Variants in FGF1 observed in about 807,000 individuals in gnomAD.
FGF1 encodes fibroblast growth factor 1, also known as beta-endothelial cell growth factor.
Under a neutral mutation model 13.4 loss-of-function variants are expected in FGF1, and 9 were observed. The ratio of observed to expected loss-of-function variants is 0.67; its 90% CI spans 0.40 to 1.17. FGF1 has a LOEUF of 1.17. Ranked by LOEUF, FGF1 falls within the 50% of genes most tolerant of loss-of-function variation. FGF1 has a pLI of 0.01. For missense variants in FGF1, 156 were observed against 192.7 expected (o/e 0.81, Z 1.13); for synonymous variants, 93 against 79.0 (o/e 1.18, Z -0.94).
intron 1 of FGF1, among the ~76,000 whole-genome samples, chr5:142,677,944 AC>A (rs1772956300): frequency 6.6e-6 from 1 of 152,172 alleles, no homozygotes; most frequent in Non-Finnish European, 1.5e-5. Flanking sequence ...AACAGGGAAA[AC>A]TTTTGGAGGA....
intron 2 of FGF1, among the ~76,000 whole-genome samples, chr5:142,607,463 T>C (rs1485976328): frequency 6.6e-6 from 1 of 152,240 alleles, no homozygotes; most frequent in Non-Finnish European, 1.5e-5. Context: ...GTCTGTAGGG[T>C]ACTTCATTTT....
chr5:142,637,911 T>A (rs1295231877), intron 1 of FGF1, among the ~76,000 whole-genome samples: 1 of 152,080 alleles, frequency 6.6e-6, no homozygotes, highest in East Asian at 1.9e-4. Flanking sequence ...GGCTCTCAAG[T>A]TGCCTTCTGG....
intron 2 of FGF1, among the ~76,000 whole-genome samples, chr5:142,606,214 C>CTGTGTGTGTGTGTG (rs1283591761): frequency 1.0e-3 from 73 of 71,080 alleles, no homozygotes; most frequent in African/African-American, 3.7e-3. Context: ...CATTCTTTCT[C>CTGTGTGTGTGTGTG]TCTCTGTGTG....
intron 2 of FGF1, among the ~76,000 whole-genome samples, chr5:142,613,594 G>C (rs1240624156): frequency 6.6e-6 from 1 of 152,246 alleles, no homozygotes; most frequent in Non-Finnish European, 1.5e-5. Context: ...CACCATGCCT[G>C]TCTGGTTCAT....
intron 1 of FGF1, among the ~76,000 whole-genome samples, chr5:142,631,853 G>A (rs1042329802): frequency 1.1e-4 from 16 of 143,638 alleles, no homozygotes; most frequent in South Asian, 2.2e-4. Context: ...GCGCAATCTC[G>A]GCTCACTGCA....
chr5:142,690,664 A>T (rs1752052879), upstream of FGF1, among the ~76,000 whole-genome samples: 1 of 152,192 alleles, frequency 6.6e-6, no homozygotes, highest in South Asian at 2.1e-4. Context: ...GTATCTTCCT[A>T]ATTGGCCTCC....
chr5:142,596,308 A>AT (rs113375357), intron 3 of FGF1, among the ~76,000 whole-genome samples: 14 of 136,202 alleles, frequency 1.0e-4, no homozygotes, highest in African/African-American at 1.4e-4. Flanking sequence ...ATTCTCTACA[A>AT]TTTTTTTTTT....
At chr5:142,634,615 T>C (rs2151936310) in intron 1 of FGF1, among the ~76,000 whole-genome samples, 1 of 152,316 alleles carries the variant, frequency 6.6e-6, no homozygotes, top group South Asian at 2.1e-4. Context: ...GTTGCAAAGA[T>C]CAAATTTGAT....
intron 1 of FGF1, among the ~76,000 whole-genome samples, chr5:142,684,819 C>T (rs980097938): frequency 1.3e-5 from 2 of 152,330 alleles, no homozygotes; most frequent in African/African-American, 4.8e-5. Flanking sequence ...CAGCCTGGCT[C>T]GCCCTCAGCC....
At chr5:142,651,829 A>ATT (rs776252481) in intron 1 of FGF1, among the ~76,000 whole-genome samples, 18 of 139,814 alleles carry the variant, frequency 1.3e-4, no homozygotes, top group Non-Finnish European at 1.7e-4. Flanking sequence ...TTGGTAGCTC[A>ATT]TTTTTTTTTT....
intron 1 of FGF1, among the ~76,000 whole-genome samples, chr5:142,620,755 T>C (rs1294588595): frequency 6.6e-6 from 1 of 152,162 alleles, no homozygotes; most frequent in Non-Finnish European, 1.5e-5. Flanking sequence ...GATGAGTGTA[T>C]AAAAGAACCT....
At chr5:142,686,860 G>T (rs1751329014), upstream of FGF1, among the ~76,000 whole-genome samples, 1 of 152,176 alleles carries the variant, frequency 6.6e-6, no homozygotes, top group African/African-American at 2.4e-5. Context: ...CCTCAGGTGA[G>T]CTCAACTTCA....
Position 142,595,414 on chromosome 5 carries a change from T to A in FGF1, c.344A>T (p.Lys115Met). The change falls in exon 4 of 4, where the codon AAG becomes ATG. Residue 115 changes from lysine to methionine, a missense_variant. By Grantham distance (95) the Lys-to-Met change is moderately conservative. Transcript: ENST00000337706. ...EENHYNTYIS[K>M]KHAEKNWFVG... ...AAACCAATTCTTCTCTGCATGCTTC[T>A]TGGATATATAGGTGTTGTAATGGTT... is the stretch of plus-strand genomic sequence containing the variant. 6.2e-7 allele frequency: 1 copy of A among 1,614,056 alleles called. No homozygotes were observed. Among genetic ancestry groups the A allele is most frequent in the Non-Finnish European group, 8.5e-7 (1 of 1,179,934 alleles).
intron 2 of FGF1, among the ~76,000 whole-genome samples, chr5:142,611,333 C>A (rs984984387): frequency 1.3e-5 from 2 of 152,174 alleles, no homozygotes; most frequent in African/African-American, 4.8e-5. Flanking sequence ...ATAGAAGTTT[C>A]GCCCTTGTGA....
At chr5:142,696,875 A>AT in intron 2 of FGF1, among the ~76,000 whole-genome samples, 1 of 152,358 alleles carries the variant, frequency 6.6e-6, no homozygotes, top group East Asian at 1.9e-4. Context: ...TCCATAGCCC[A>AT]GGGGCAGACT....
Position 142,593,058 on chromosome 5 carries a change from GT to G in FGF1, c.*2231del, listed in dbSNP as rs1286611575. ...TATGAATGATATCTGGGCTGAGATG[GT>G]CGAGGTCACATTGGTGTTTTTACTA... On this transcript the variant is annotated 3_prime_UTR_variant, in exon 4 of 4. Coordinates refer to ENST00000337706, the MANE Select transcript of FGF1 (RefSeq NM_000800.5). The G allele has an allele frequency of 6.6e-6, 1 of 152,200 alleles. No homozygotes were observed. Among genetic ancestry groups the G allele is most frequent in the African/African-American group, 2.4e-5 (1 of 41,452 alleles). 9.4% of individuals were successfully genotyped at this position (152,200 alleles called of 1,614,324 possible).
chr5:142,639,674 A>G (rs1452832771), intron 1 of FGF1, among the ~76,000 whole-genome samples: 1 of 151,976 alleles, frequency 6.6e-6, no homozygotes, highest in African/African-American at 2.4e-5. Context: ...ATAGTCAGTA[A>G]TGTGTGGTAT....
intron 1 of FGF1, among the ~76,000 whole-genome samples, chr5:142,632,707 C>A (rs1051809585): frequency 6.6e-6 from 1 of 152,144 alleles, no homozygotes; most frequent in South Asian, 2.1e-4. Flanking sequence ...CTTTTATGAT[C>A]TGACTTTACT....
chr5:142,629,809 T>C (rs1446021499), intron 1 of FGF1, among the ~76,000 whole-genome samples: 2 of 149,082 alleles, frequency 1.3e-5, no homozygotes, highest in Non-Finnish European at 3.0e-5. Flanking sequence ...TAATCACAGA[T>C]ATTTTTGCAT....
Sources: allele counts gnomAD v4.1 joint callset (sites outside exome capture counted in the v4.1 genomes callset), GRCh38; gene constraint gnomAD v4.1.1; transcripts MANE v1.5; gene names NCBI Gene and HGNC (gene_info 2026-07-23, HGNC 2026-07-21).